ARHGEF7: variants seen among roughly 807,000 people sequenced by gnomAD.
ARHGEF7 encodes the protein Rho guanine nucleotide exchange factor 7.
A neutral mutation model predicts 109.8 loss-of-function variants in ARHGEF7; 33 were observed. The ratio of observed to expected loss-of-function variants is 0.30; its 90% CI spans 0.23 to 0.40. The LOEUF is 0.40. ARHGEF7 is among the 10% of genes least tolerant of loss of function. ARHGEF7 has a pLI of 1.00. For missense variants in ARHGEF7, 938 were observed against 1,098.5 expected (o/e 0.85, Z 2.07); for synonymous variants, 458 against 424.6 (o/e 1.08, Z -0.97).
chr13:111,261,328 T>C (rs374281887), intron 8 of ARHGEF7, among the ~76,000 whole-genome samples: 1 of 152,140 alleles, frequency 6.6e-6, no homozygotes, highest in East Asian at 1.9e-4. Flanking sequence ...GCTAGACTTA[T>C]ATCAAACAAA....
At chr13:111,278,053 T>C (rs1595460154) in intron 13 of ARHGEF7, among the ~76,000 whole-genome samples, 1 of 152,166 alleles carries the variant, frequency 6.6e-6, no homozygotes, top group East Asian at 1.9e-4. Context: ...TAGACTAAGA[T>C]CTTGTGTCAG....
chr13:111,130,599 A>G (rs2074692550), intron 1 of ARHGEF7, among the ~76,000 whole-genome samples: 1 of 152,244 alleles, frequency 6.6e-6, no homozygotes, highest in Non-Finnish European at 1.5e-5. Context: ...CTATGTTCCA[A>G]GGATAGTGCT....
intron 1 of ARHGEF7, among the ~76,000 whole-genome samples, chr13:111,146,237 G>T (rs2075587119): frequency 6.6e-6 from 1 of 152,212 alleles, no homozygotes; most frequent in Admixed American, 6.5e-5. Context: ...AACACTTCTA[G>T]AGTCAGTCTA....
chr13:111,281,951 C>T (rs944597471), intron 15 of ARHGEF7, among the ~76,000 whole-genome samples: 3 of 152,236 alleles, frequency 2.0e-5, no homozygotes, highest in Non-Finnish European at 4.4e-5. Context: ...TAGCATAAAG[C>T]ATACTTCCTT....
intron 2 of ARHGEF7, among the ~76,000 whole-genome samples, chr13:111,193,199 C>T (rs1037360598): frequency 6.6e-6 from 1 of 152,200 alleles, no homozygotes; most frequent in African/African-American, 2.4e-5. Flanking sequence ...CTGTCATTAA[C>T]CACCCCGAGG....
chr13:111,250,288 G>C (rs947330753), intron 8 of ARHGEF7, among the ~76,000 whole-genome samples: 1 of 152,238 alleles, frequency 6.6e-6, no homozygotes, highest in Admixed American at 6.5e-5. Context: ...TGCCCAGTTT[G>C]CCTAGAGCAG....
At chr13:111,180,845 A>G (rs1232794511) in intron 2 of ARHGEF7, among the ~76,000 whole-genome samples, 2 of 152,244 alleles carry the variant, frequency 1.3e-5, no homozygotes, top group Non-Finnish European at 2.9e-5. Flanking sequence ...TGAATTTTTA[A>G]TACGTGTGTT....
chr13:111,238,170 G>T (rs2087100085), intron 6 of ARHGEF7, among the ~76,000 whole-genome samples: 1 of 152,156 alleles, frequency 6.6e-6, no homozygotes, highest in South Asian at 2.1e-4. Flanking sequence ...CTGTGCTTAG[G>T]GTGCCCTTGT....
chr13:111,178,884 A>G (rs1212175752), intron 2 of ARHGEF7, among the ~76,000 whole-genome samples: 1 of 152,152 alleles, frequency 6.6e-6, no homozygotes, highest in East Asian at 1.9e-4. Flanking sequence ...CCCACAGATG[A>G]TGAGTGAAAT....
chr13:111,153,829 G>T (rs546401468), intron 1 of ARHGEF7, 76 bp from the exon 2 acceptor site: 1 of 1,534,878 alleles, frequency 6.5e-7, no homozygotes, highest in Non-Finnish European at 8.7e-7. Flanking sequence ...AGCGCGGGCC[G>T]TGGGCGTCGC....
chr13:111,233,106 G>C, intron 5 of ARHGEF7, 99 bp from the exon 6 acceptor site: 3 of 1,012,946 alleles, frequency 3.0e-6, no homozygotes, highest in Non-Finnish European at 4.6e-6. Context: ...TGTTAATTCA[G>C]TGAGGCTGCT....
At position 111,283,222 on chromosome 13, in the gene ARHGEF7, C is replaced by G. The variant is rs768473475; in HGVS notation, c.1809C>G (p.Pro603=). ...APLTPAYHTL[P]HPSHHGTPHT... ...TGACGCCCGCCTACCACACGCTGCC[C>G]CACCCCTCCCACCACGGCACCCCGC... Residue 603 remains proline (P), a synonymous_variant, in exon 16 of 22, where the codon CCC becomes CCG. Coordinates refer to ENST00000646102, the MANE Select transcript of ARHGEF7 (RefSeq NM_001354046.2). The G allele has an allele frequency of 3.1e-6, 5 of 1,593,142 alleles. No individual in the cohort carries two copies. The African/African-American group carries it at 5.4e-5, about 17-fold the overall frequency.
chr13:111,203,138 G>A (rs748575162), intron 2 of ARHGEF7: 19 of 1,267,030 alleles, frequency 1.5e-5, no homozygotes, highest in Middle Eastern at 2.2e-4. Flanking sequence ...ATTTATGTAT[G>A]TATTTCTTTT....
rs150963948 is a variant in ARHGEF7 at position 111,257,844 on chromosome 13, C to T, written c.951-9704C>T. ...AGTGCTGCCCTGTCACAGTGGAAAG[C>T]AACATTGGGCACAGAGGTAGCATTT... On this transcript the variant is annotated intron_variant, in intron 8 of 21. Transcript: ENST00000646102. 1.5e-3 allele frequency among the ~76,000 whole-genome samples: 225 copies of T among 152,366 alleles called. 1 individual carries two copies. Among genetic ancestry groups the T allele is most frequent in the Non-Finnish European group, 2.1e-3 (145 of 68,038 alleles).
At chr13:111,165,811 C>T (rs147784350) in intron 2 of ARHGEF7, among the ~76,000 whole-genome samples, 3 of 152,242 alleles carry the variant, frequency 2.0e-5, no homozygotes, top group East Asian at 1.9e-4. Flanking sequence ...AGTGGATGGC[C>T]TCATATGTGT....
chr13:111,118,422 C>T (rs999551684), intron 1 of ARHGEF7, among the ~76,000 whole-genome samples: 1 of 152,184 alleles, frequency 6.6e-6, no homozygotes, highest in Non-Finnish European at 1.5e-5. Flanking sequence ...AGAAAAGAGA[C>T]ACTTTTCATT....
At chr13:111,294,108 A>C (rs2093367074) in intron 19 of ARHGEF7, 2 of 985,348 alleles carry the variant, frequency 2.0e-6, no homozygotes, top group East Asian at 1.1e-4. Context: ...GTCAGAGCCC[A>C]GTGTTAATCT....
intron 5 of ARHGEF7, among the ~76,000 whole-genome samples, chr13:111,227,384 A>G (rs542795442): frequency 1.3e-5 from 2 of 152,356 alleles, no homozygotes; most frequent in East Asian, 1.9e-4. Flanking sequence ...GTCCATAGCC[A>G]CCGCAGCCTT....
Position 111,221,360 on chromosome 13 carries a change from T to G in ARHGEF7, c.670+3480T>G, listed in dbSNP as rs370261301. Among the ~76,000 whole-genome samples, 11 of 17,770 alleles carry G rather than the reference T, an allele frequency of 6.2e-4. 5 individuals are homozygous for G. The highest frequency in any genetic ancestry group is 7.3e-3 in the South Asian group (2 of 274). 11.7% of individuals were successfully genotyped at this position (17,770 alleles called of 152,430 possible). A position where few individuals can be genotyped will look rare whatever the true frequency, so the allele number is the denominator to read the frequency against. On this transcript the variant is annotated intron_variant, in intron 5 of 21. Coordinates refer to ENST00000646102, the MANE Select transcript of ARHGEF7 (RefSeq NM_001354046.2). Reference sequence around the variant, plus strand: ...ATATATCTATATATATGTCTATATATATATCTATATATATATCTATATATA... The same window carrying G: ...ATATATCTATATATATGTCTATATAGATATCTATATATATATCTATATATA...
Sources: allele counts gnomAD v4.1 joint callset (sites outside exome capture counted in the v4.1 genomes callset), GRCh38; gene constraint gnomAD v4.1.1; transcripts MANE v1.5; gene names NCBI Gene and HGNC (gene_info 2026-07-23, HGNC 2026-07-21).